NELL1: variants seen among roughly 807,000 people sequenced by gnomAD.
NELL1 encodes the protein protein kinase C-binding protein NELL1.
A neutral mutation model predicts 107.4 loss-of-function variants in NELL1; 76 were observed. The observed-to-expected ratio is 0.71, with a 90% CI of 0.59 to 0.86. The LOEUF is 0.86. Among genes scored for constraint, NELL1 ranks in the 40% least tolerant of loss-of-function variants. The pLI is 0.00. For missense variants in NELL1, 1,024 were observed against 1,005.5 expected, an observed-to-expected ratio of 1.02 and a Z score of -0.25; for synonymous variants, 353 against 341.2, an observed-to-expected ratio of 1.03 and a Z score of -0.38.
chr11:21,536,689 A>G (rs1029345826), intron 16 of NELL1, among the ~76,000 whole-genome samples: 5 of 152,106 alleles, frequency 3.3e-5, no homozygotes, highest in Non-Finnish European at 2.9e-5. Context: ...TGAAAATTCA[A>G]TCATATCATG....
At chr11:20,871,730 A>G (rs1241256444) in intron 4 of NELL1, among the ~76,000 whole-genome samples, 1 of 152,104 alleles carries the variant, frequency 6.6e-6, no homozygotes, top group Non-Finnish European at 1.5e-5. Flanking sequence ...TGCTTTAAGA[A>G]GAGGCCCTGC....
Position 20,995,439 on chromosome 11 carries a change from G to A in NELL1, c.1300+34879G>A, listed in dbSNP as rs184948361. The stretch of plus-strand genomic sequence containing the variant: ...TAAAAATATAAAAAATTAGCCGCAC[G>A]TGGTGGCGCATGCCTGTAATCCCAG... On this transcript the variant is annotated intron_variant, in intron 12 of 19. Transcript: ENST00000357134. Among the ~76,000 whole-genome samples, 625 of 152,150 alleles carry A rather than the reference G, an allele frequency of 4.1e-3. 2 individuals are homozygous for A. Among genetic ancestry groups the A allele is most frequent in the African/African-American group, 0.014 (588 of 41,494 alleles).
intron 14 of NELL1, among the ~76,000 whole-genome samples, chr11:21,301,086 A>C (rs1483383092): frequency 6.6e-6 from 1 of 152,116 alleles, no homozygotes; most frequent in Non-Finnish European, 1.5e-5. Flanking sequence ...CATCTTTTTT[A>C]TGACTGCATA....
At chr11:21,050,561 A>G (rs1408783582) in intron 12 of NELL1, among the ~76,000 whole-genome samples, 1 of 152,210 alleles carries the variant, frequency 6.6e-6, no homozygotes, top group Non-Finnish European at 1.5e-5. Context: ...TCTATGACAC[A>G]TAAATATTCA....
chr11:20,946,628 G>T (rs1198037750), intron 10 of NELL1, among the ~76,000 whole-genome samples: 3 of 152,174 alleles, frequency 2.0e-5, no homozygotes, highest in Admixed American at 2.0e-4. Flanking sequence ...TGCCAGGAAA[G>T]TCCCTTCTTC....
chr11:20,910,604 C>T (rs1485786907), intron 5 of NELL1, among the ~76,000 whole-genome samples: 1 of 152,182 alleles, frequency 6.6e-6, no homozygotes, highest in Non-Finnish European at 1.5e-5. Flanking sequence ...CTGTTGCCCT[C>T]TTCAATTGTT....
At chr11:20,881,623 C>T (rs939506283) in intron 4 of NELL1, among the ~76,000 whole-genome samples, 1 of 152,180 alleles carries the variant, frequency 6.6e-6, no homozygotes, top group African/African-American at 2.4e-5. Flanking sequence ...TATGTCTGCT[C>T]TTTCAGCTCC....
intron 4 of NELL1, among the ~76,000 whole-genome samples, chr11:20,879,539 T>G (rs1401406874): frequency 6.6e-6 from 1 of 152,088 alleles, no homozygotes; most frequent in Admixed American, 6.6e-5. Flanking sequence ...TTAAGAGTAG[T>G]GTGCTGCCGT....
chr11:20,687,570 G>A (rs375819022), intron 2 of NELL1, among the ~76,000 whole-genome samples: 4 of 150,994 alleles, frequency 2.6e-5, no homozygotes, highest in African/African-American at 9.8e-5. Context: ...ATGTTTTTTG[G>A]TTAAGGTCTT....
At chr11:20,839,453 A>G (rs753956356) in intron 3 of NELL1, among the ~76,000 whole-genome samples, 45 of 152,254 alleles carry the variant, frequency 3.0e-4, no homozygotes, top group Non-Finnish European at 5.3e-4. Flanking sequence ...ACTTCTTTCT[A>G]AGAAAAGGCA....
At chr11:20,748,617 A>G (rs1336051545) in intron 2 of NELL1, among the ~76,000 whole-genome samples, 1 of 152,046 alleles carries the variant, frequency 6.6e-6, no homozygotes, top group Non-Finnish European at 1.5e-5. Context: ...GCCTTTGCAT[A>G]CCCATAGCTT....
At chr11:20,847,902 G>A in intron 4 of NELL1, 149 bp downstream of exon 4, 1 of 791,586 alleles carries the variant, frequency 1.3e-6, no homozygotes, top group Non-Finnish European at 2.0e-6. Context: ...GGGACCTTAG[G>A]CATGCTGAAA....
chr11:21,373,394 G>T (rs1055813313), intron 15 of NELL1, among the ~76,000 whole-genome samples: 15 of 152,106 alleles, frequency 9.9e-5, no homozygotes, highest in African/African-American at 3.6e-4. Flanking sequence ...AAGGAAAAAT[G>T]CAAATGAATT....
rs141978476 is a variant in NELL1, at chr11:20,903,476, A to G, written c.604-14706A>G. Among the ~76,000 whole-genome samples the G allele has an allele frequency of 3.5e-4, 53 of 152,186 alleles. No homozygotes were observed. The East Asian group carries it at 8.7e-3, about 25-fold the overall frequency. The stretch of plus-strand genomic sequence containing the variant: ...TGAACAGTAGGGTCTAAGAACTGAC[A>G]CATTTTTTTCACAACCTTCTTATTG... On this transcript the variant is annotated intron_variant, in intron 5 of 19. Transcript: ENST00000357134.
chr11:21,296,313 A>T (rs1449478026), intron 14 of NELL1, among the ~76,000 whole-genome samples: 1 of 151,590 alleles, frequency 6.6e-6, no homozygotes, highest in Middle Eastern at 3.4e-3. Flanking sequence ...AGACCAAAAA[A>T]CCCCCTCTCA....
chr11:20,772,716 T>TA (rs1856665035), intron 2 of NELL1, among the ~76,000 whole-genome samples: 2 of 152,102 alleles, frequency 1.3e-5, no homozygotes, highest in Non-Finnish European at 1.5e-5. Context: ...CTACCTAAGG[T>TA]CTTACAGCAG....
intron 12 of NELL1, among the ~76,000 whole-genome samples, chr11:21,049,260 C>A (rs1248413603): frequency 1.3e-5 from 2 of 152,182 alleles, no homozygotes; most frequent in African/African-American, 4.8e-5. Context: ...TGTCAGTTAC[C>A]CACACTTCCA....
At chr11:20,948,678 C>T (rs1375817597) in intron 11 of NELL1, among the ~76,000 whole-genome samples, 1 of 149,888 alleles carries the variant, frequency 6.7e-6, no homozygotes, top group Non-Finnish European at 1.5e-5. Context: ...TGTCTTAAAA[C>T]CCAGCTCAAG....
rs376663282 is a variant in NELL1, at chr11:21,335,006, G to A, written c.1550-35847G>A. Among the ~76,000 whole-genome samples, 276 of 152,088 alleles carry A rather than the reference G, an allele frequency of 1.8e-3. 9 individuals carry two copies. In the South Asian group the frequency reaches 0.054, roughly 29 times the overall value. The stretch of plus-strand genomic sequence containing the variant: ...AAATCTCTTTGCGTCAACAGAATTA[G>A]AGGCATGGTGTCCTCTCTGAACACA... On this transcript the variant is annotated intron_variant, in intron 14 of 19. Coordinates refer to ENST00000357134, the MANE Select transcript of NELL1 (RefSeq NM_006157.5).
Sources: allele counts gnomAD v4.1 joint callset (sites outside exome capture counted in the v4.1 genomes callset), GRCh38; gene constraint gnomAD v4.1.1; transcripts MANE v1.5; gene names NCBI Gene and HGNC (gene_info 2026-07-23, HGNC 2026-07-21).